The following FNTB variants were observed in gnomAD, a reference collection of about 807,000 sequenced individuals.
The protein encoded by FNTB is protein farnesyltransferase subunit beta.
A neutral mutation model predicts 59.4 loss-of-function variants in FNTB; 27 were observed. The ratio of observed to expected loss-of-function variants is 0.45; its 90% CI spans 0.34 to 0.63. The LOEUF (loss-of-function observed/expected upper bound fraction) is 0.63, where lower values mean the gene tolerates loss of function less well. Ranked by LOEUF, FNTB falls within the 20% of genes least tolerant of loss-of-function variation. FNTB has a pLI of 0.02. For missense variants in FNTB, 449 were observed against 559.6 expected, an observed-to-expected ratio of 0.80 and a Z score of 1.99; for synonymous variants, 230 against 220.7, an observed-to-expected ratio of 1.04 and a Z score of -0.37.
At chr14:65,005,479 TTC>T (rs1253668122) in intron 2 of FNTB, among the ~76,000 whole-genome samples, 1 of 135,588 alleles carries the variant, frequency 7.4e-6, no homozygotes. Context: ...CTTTCTTTCT[TTC>T]TTTCTTTCTT....
In FNTB at chr14:65,062,625, T is replaced by G. The variant is rs2062885824; in HGVS notation, c.*1313T>G. On this transcript the variant is annotated 3_prime_UTR_variant, in exon 12 of 12. Transcript: ENST00000246166. This position sits in a 1 kb window ranked among gnomAD's most constrained non-coding sequence, Gnocchi z 4.3. ...CATATTGGGCTATGTATTACCTCCT[T>G]GAAATAATAAAAGAATAACATTTTC... The G allele has an allele frequency of 6.6e-6, 1 of 152,624 alleles. No homozygotes were observed. Among genetic ancestry groups the G allele is most frequent in the Non-Finnish European group, 1.5e-5 (1 of 68,034 alleles). The allele number at this position is 152,624 out of a possible 1,614,324, so 9.5% of individuals were successfully genotyped here. A position where few individuals can be genotyped will look rare whatever the true frequency, so the allele number is the denominator to read the frequency against.
At position 65,022,490 on chromosome 14, in the gene FNTB, TG is replaced by T. The variant is rs566004747; in HGVS notation, c.375-4960del. ...CCTTTGTATATTTGAGGTATTTTGC[TG>T]GGTAGCTTTCTCACTGTGATTGTCT... On this transcript the variant is annotated intron_variant, in intron 4 of 11. Coordinates refer to ENST00000246166, the MANE Select transcript of FNTB (RefSeq NM_002028.4). Among the ~76,000 whole-genome samples, 141 of 152,288 alleles carry T rather than the reference TG, an allele frequency of 9.3e-4. 8 individuals are homozygous for T. The South Asian group carries it at 0.024, about 26-fold the overall frequency.
chr14:65,014,663 A>T lies in FNTB; in HGVS notation c.283-962A>T, dbSNP rs994310397. 2.0e-5 allele frequency among the ~76,000 whole-genome samples: 3 copies of T among 152,196 alleles called. No individual in the cohort carries two copies. Among genetic ancestry groups the T allele is most frequent in the Admixed American group, 1.3e-4 (2 of 15,284 alleles). ...ATGCTGTCTCTATAAAAACTTAAAAAATTAGCCAGGCATAGTGGTGTGTGC... is the reference window on the plus strand; with the variant it reads ...ATGCTGTCTCTATAAAAACTTAAAATATTAGCCAGGCATAGTGGTGTGTGC... On this transcript the variant is annotated intron_variant, in intron 3 of 11. Transcript: ENST00000246166. This position sits in a 1 kb window ranked among gnomAD's most constrained non-coding sequence, Gnocchi z 5.1.
In FNTB at chr14:64,994,776, T is replaced by C. The variant is rs1594984007; in HGVS notation, c.144+7679T>C. Among the ~76,000 whole-genome samples, 1 of 152,166 alleles carries C rather than the reference T, an allele frequency of 6.6e-6. No homozygotes were observed. Among genetic ancestry groups the C allele is most frequent in the East Asian group, 1.9e-4 (1 of 5,204 alleles). ...GATATGAGTGTACACTACTGTAGAC[T>C]TTATAAACACTGTACACTTGTTACT... On this transcript the variant is annotated intron_variant, in intron 1 of 11. Transcript: ENST00000246166. This position sits in a 1 kb window ranked among gnomAD's most constrained non-coding sequence, Gnocchi z 4.2.
Position 65,054,805 on chromosome 14 carries a change from G to T in FNTB, c.1182+116G>T, listed in dbSNP as rs572769030. On this transcript the variant is annotated intron_variant, in intron 11 of 11. Coordinates refer to ENST00000246166, the MANE Select transcript of FNTB (RefSeq NM_002028.4). This position sits in a 1 kb window ranked among gnomAD's most constrained non-coding sequence, Gnocchi z 4.4. ...CTGTGTGGACAGGCGGAAGCTTGTG[G>T]TCCCTCTGCCCTTCGAGCTGTGCAG... is the stretch of plus-strand genomic sequence containing the variant. The T allele has an allele frequency of 3.6e-5, 41 of 1,151,866 alleles. No homozygotes were observed. The South Asian group carries it at 5.2e-4, about 15-fold the overall frequency. 71.4% of individuals were successfully genotyped at this position (1,151,866 alleles called of 1,614,324 possible). A position where few individuals can be genotyped will look rare whatever the true frequency, so the allele number is the denominator to read the frequency against.
chr14:65,000,150 G>GGA (rs1888544032), intron 1 of FNTB, among the ~76,000 whole-genome samples: 2 of 152,102 alleles, frequency 1.3e-5, no homozygotes. Flanking sequence ...TAAGTCGTAT[G>GGA]GATTTGAATA....
At chr14:65,041,949 C>T (rs2062362729) in intron 8 of FNTB, among the ~76,000 whole-genome samples, 1 of 152,192 alleles carries the variant, frequency 6.6e-6, no homozygotes, top group Non-Finnish European at 1.5e-5. Context: ...GTCCCTACTA[C>T]ATTTGAGACA....
In FNTB at chr14:65,037,745, TTTA is replaced by T. The variant is rs1203367959; in HGVS notation, c.693-3042_693-3040del. 1.6e-3 allele frequency among the ~76,000 whole-genome samples: 89 copies of T among 55,058 alleles called. 1 individual carries two copies. The highest frequency in any genetic ancestry group is 5.7e-3 in the African/African-American group (79 of 13,810). 36.1% of individuals were successfully genotyped at this position (55,058 alleles called of 152,430 possible). On this transcript the variant is annotated intron_variant, in intron 7 of 11. Transcript: ENST00000246166. ...CAGCCTCTTATTTATTTATTTATTA[TTTA>T]TTTATTTATTTATTTATTTATTTAT...
chr14:64,996,855 C>G (rs1888416513), intron 1 of FNTB, among the ~76,000 whole-genome samples: 1 of 151,132 alleles, frequency 6.6e-6, no homozygotes, highest in Admixed American at 6.6e-5. Flanking sequence ...AACCCTATCC[C>G]CAGTTCAGTG....
At chr14:65,000,562 C>T (rs1448884718) in intron 1 of FNTB, among the ~76,000 whole-genome samples, 1 of 151,844 alleles carries the variant, frequency 6.6e-6, no homozygotes, top group East Asian at 1.9e-4. Context: ...GGCTCACGCC[C>T]GTAATCCCAG....
At chr14:65,060,863 ACTCT>A (rs2062848035) in intron 11 of FNTB, among the ~76,000 whole-genome samples, 1 of 107,414 alleles carries the variant, frequency 9.3e-6, no homozygotes. Context: ...ACAGAGCAAG[ACTCT>A]CTCAAAAAAA....
Position 65,062,171 on chromosome 14 carries a change from CTTT to C in FNTB, c.*860_*862del, listed in dbSNP as rs1368132732. 4 of 152,566 alleles carry C rather than the reference CTTT, an allele frequency of 2.6e-5. No homozygotes were observed. The highest frequency in any genetic ancestry group is 9.6e-5 in the African/African-American group (4 of 41,600). The allele number at this position is 152,566 out of a possible 1,614,324, so 9.5% of individuals were successfully genotyped here. A position where few individuals can be genotyped will look rare whatever the true frequency, so the allele number is the denominator to read the frequency against. On this transcript the variant is annotated 3_prime_UTR_variant, in exon 12 of 12. Transcript: ENST00000246166. The surrounding 1 kb of genome is among the most constrained non-coding windows in gnomAD (Gnocchi z 4.3). The stretch of plus-strand genomic sequence containing the variant: ...CCGAGGCCCTTCTGGGGGTTTCTAT[CTTT>C]CTTCCACCAGACTCCAAGCCCACTC...
At position 64,986,902 on chromosome 14, in the gene FNTB, G is replaced by A; in HGVS notation, c.-52G>A. 2 of 1,607,862 alleles carry A rather than the reference G, an allele frequency of 1.2e-6. No homozygotes were observed. The highest frequency in any genetic ancestry group is 1.3e-5 in the African/African-American group (1 of 74,946). On this transcript the variant is annotated 5_prime_UTR_variant, in exon 1 of 12. Coordinates refer to ENST00000246166, the MANE Select transcript of FNTB (RefSeq NM_002028.4). ...TTAGCCCGCTCGAGTTTCAATGCGCGTTGTTGCTTAACGAAGCAGAGTCCT... is the reference window on the plus strand; with the variant it reads ...TTAGCCCGCTCGAGTTTCAATGCGCATTGTTGCTTAACGAAGCAGAGTCCT...
Position 65,047,468 on chromosome 14 carries a change from T to A in FNTB, c.955+3025T>A, listed in dbSNP as rs2062510301. Among the ~76,000 whole-genome samples the A allele has an allele frequency of 6.6e-6, 1 of 152,020 alleles. No individual in the cohort carries two copies. The highest frequency in any genetic ancestry group is 2.1e-4 in the South Asian group (1 of 4,816). On this transcript the variant is annotated intron_variant, in intron 9 of 11. Coordinates refer to ENST00000246166, the MANE Select transcript of FNTB (RefSeq NM_002028.4). The surrounding 1 kb of genome is among the most constrained non-coding windows in gnomAD (Gnocchi z 5.2). ...GTAAAAGAAATGCTAATCAAAAGAG[T>A]GGCACTATTTGTTTTTATTATTGGA...
intron 2 of FNTB, among the ~76,000 whole-genome samples, chr14:65,006,616 C>A (rs570248958): frequency 6.6e-6 from 1 of 152,276 alleles, no homozygotes; most frequent in Non-Finnish European, 1.5e-5. Flanking sequence ...GGTTGTACCC[C>A]CGATGACTCA....
chr14:65,061,369 A>C lies in FNTB; in HGVS notation c.*57A>C. On this transcript the variant is annotated 3_prime_UTR_variant, in exon 12 of 12. Coordinates refer to ENST00000246166, the MANE Select transcript of FNTB (RefSeq NM_002028.4). ...CCATCTCCCCAGTCAGACAAGGTTT[A>C]TACGTTTCAATACATACTGCATTCT... 4 of 1,607,288 alleles carry C rather than the reference A, an allele frequency of 2.5e-6. No individual in the cohort carries two copies. The highest frequency in any genetic ancestry group is 3.4e-6 in the Non-Finnish European group (4 of 1,177,702).
intron 9 of FNTB, 181 bp from the exon 10 acceptor site, chr14:65,053,057 G>A (rs2062649533): frequency 1.2e-5 from 5 of 403,182 alleles, no homozygotes; most frequent in Admixed American, 4.6e-5. Context: ...ACATGTCAAA[G>A]TTCAGGAGAA....
chr14:64,986,968 T>C lies in FNTB; in HGVS notation c.15T>C (p.Ser5=), dbSNP rs541920896. The C allele has an allele frequency of 1.5e-5, 25 of 1,614,226 alleles. No homozygotes were observed. The South Asian group carries it at 2.7e-4, about 18-fold the overall frequency. MASP[S]SFTYYCPPSS... ...CTCTCCTGATCATGGCTTCTCCGAG[T>C]TCTTTCACCTACTATTGCCCTCCAT... is the stretch of plus-strand genomic sequence containing the variant. Residue 5 remains serine (S), a synonymous_variant, in exon 1 of 12, where the codon AGT becomes AGC. Transcript: ENST00000246166.
Position 65,044,322 on chromosome 14 carries a change from A to G in FNTB, c.834A>G (p.Thr278=), listed in dbSNP as rs772861260. ...CTGTGTCTCCTCAGCAATGGGTGAC[A>G]AGCCGGCAGATGCGATTTGAAGGAG... ...LNLKSLLQWV[T]SRQMRFEGGF... is the part of the protein sequence containing the mutation. Residue 278 remains threonine (T), a synonymous_variant, in exon 9 of 12, where the codon ACA becomes ACG. Transcript: ENST00000246166. This position sits in a 1 kb window ranked among gnomAD's most constrained non-coding sequence, Gnocchi z 5.5. 7 of 1,613,374 alleles carry G rather than the reference A, an allele frequency of 4.3e-6. No homozygotes were observed. Among genetic ancestry groups the G allele is most frequent in the Non-Finnish European group, 4.2e-6 (5 of 1,179,786 alleles).
Sources: gnomAD v4.1 joint callset for allele counts (sites outside exome capture counted in the v4.1 genomes callset) on GRCh38, gnomAD v4.1.1 for gene constraint, Gnocchi (gnomAD v3.1) non-coding constraint, MANE v1.5 for transcripts, NCBI Gene and HGNC (gene_info 2026-07-23, HGNC 2026-07-21) for gene names.